Variants in PKHD1 observed in about 807,000 individuals in gnomAD.
PKHD1 encodes the protein PKHD1 ciliary IPT domain containing fibrocystin/polyductin, also known as fibrocystin.
A neutral mutation model predicts 412.0 loss-of-function variants in PKHD1; 291 were observed. That is an observed-to-expected ratio of 0.71 (90% CI 0.64 to 0.78). The LOEUF is 0.78. PKHD1 is among the 30% of genes least tolerant of loss of function. The pLI is 0.00. For missense variants in PKHD1, 4,825 were observed against 4,950.7 expected, an observed-to-expected ratio of 0.97 and a Z score of 0.76; for synonymous variants, 1,777 against 1,821.5, an observed-to-expected ratio of 0.98 and a Z score of 0.62.
chr6:52,081,374 C>T (rs957924323), intron 4 of PKHD1, among the ~76,000 whole-genome samples: 1 of 152,142 alleles, frequency 6.6e-6, no homozygotes, highest in Non-Finnish European at 1.5e-5. Context: ...ATCCTCTACT[C>T]GTAAGATATT....
Position 51,790,996 on chromosome 6 carries a change from A to G in PKHD1, c.8440+240T>C, listed in dbSNP as rs1202210440. Among the ~76,000 whole-genome samples, 3 of 152,156 alleles carry G rather than the reference A, an allele frequency of 2.0e-5. No individual in the cohort carries two copies. In the East Asian group the frequency reaches 5.8e-4, roughly 29 times the overall value. ...GGTAAAAAATCACCCTGGAATGAGC[A>G]GTAGCAGGCGGACCAGAAACAGCCT... On this transcript the variant is annotated intron_variant, in intron 53 of 66. Coordinates refer to ENST00000371117, the MANE Select transcript of PKHD1 (RefSeq NM_138694.4).
intron 2 of PKHD1, among the ~76,000 whole-genome samples, chr6:52,084,090 A>G (rs950530637): frequency 3.9e-5 from 6 of 152,222 alleles, no homozygotes; most frequent in Admixed American, 1.3e-4. Flanking sequence ...TTCCTGGACA[A>G]GTCTTGATGA....
intron 48 of PKHD1, among the ~76,000 whole-genome samples, chr6:51,867,429 G>GT (rs1464651012): frequency 6.6e-6 from 1 of 152,098 alleles, no homozygotes; most frequent in Non-Finnish European, 1.5e-5. Flanking sequence ...AACCTTGCAA[G>GT]TAATAGGAGG....
intron 43 of PKHD1, among the ~76,000 whole-genome samples, chr6:51,899,944 G>T (rs895107017): frequency 6.6e-6 from 1 of 152,004 alleles, no homozygotes; most frequent in African/African-American, 2.4e-5. Context: ...AAAATACCTA[G>T]GAATCCAACT....
intron 35 of PKHD1, among the ~76,000 whole-genome samples, chr6:52,001,644 G>T (rs1798411610): frequency 6.6e-6 from 1 of 151,970 alleles, no homozygotes; most frequent in African/African-American, 2.4e-5. Flanking sequence ...TGTTAGCCAG[G>T]ATGGTCTCGA....
intron 35 of PKHD1, among the ~76,000 whole-genome samples, chr6:51,983,234 T>TA (rs1378748020): frequency 1.3e-5 from 2 of 152,358 alleles, no homozygotes; most frequent in African/African-American, 4.8e-5. Context: ...TCTACGTACC[T>TA]ACAGAGGTGA....
At chr6:52,062,444 C>T (rs1808814571) in intron 14 of PKHD1, 75 bp downstream of exon 14, 3 of 1,448,282 alleles carry the variant, frequency 2.1e-6, no homozygotes, top group Admixed American at 3.3e-5. Context: ...TGATACCTTC[C>T]TTATCTGTCT....
rs577883485 is a variant in PKHD1 at position 51,902,279 on chromosome 6, A to C, written c.6996+1318T>G. Among the ~76,000 whole-genome samples, 67 of 152,306 alleles carry C rather than the reference A, an allele frequency of 4.4e-4. 1 individual carries two copies. In the South Asian group the frequency reaches 6.0e-3, roughly 14 times the overall value. Reference sequence around the variant, plus strand: ...CGCAGCTTCTTGTAAGTCTGAAATTATTTTAAAATTAAAAGTTTAAAATAA... The same window carrying C: ...CGCAGCTTCTTGTAAGTCTGAAATTCTTTTAAAATTAAAAGTTTAAAATAA... On this transcript the variant is annotated intron_variant, in intron 43 of 66. Coordinates refer to ENST00000371117, the MANE Select transcript of PKHD1 (RefSeq NM_138694.4).
At chr6:51,836,023 C>G (rs1769141317) in intron 51 of PKHD1, among the ~76,000 whole-genome samples, 1 of 152,000 alleles carries the variant, frequency 6.6e-6, no homozygotes. Flanking sequence ...GTTTGTTTAC[C>G]CTGATTTCCT....
rs1164284550 is a variant in PKHD1, at chr6:52,062,533, T to C, written c.1104A>G (p.Glu368=). Residue 368 remains glutamate (E), a synonymous_variant, in exon 14 of 67, where the codon GAA becomes GAG. Transcript: ENST00000371117. ...CTACAACATACCTGAAAGGTTGTCCTTCCTGTGACCAAAACCCAAATGGAG... is the reference window on the plus strand; with the variant it reads ...CTACAACATACCTGAAAGGTTGTCCCTCCTGTGACCAAAACCCAAATGGAG... The part of the protein sequence containing the change: ...ASSPFGFWSQ[E]GQPFRARLSG... 6.2e-7 allele frequency: 1 copy of C among 1,614,104 alleles called. No individual in the cohort carries two copies. The highest frequency in any genetic ancestry group is 1.7e-5 in the Admixed American group (1 of 60,010).
chr6:51,792,175 T>G (rs1452222084), intron 52 of PKHD1, among the ~76,000 whole-genome samples: 1 of 152,216 alleles, frequency 6.6e-6, no homozygotes, highest in African/African-American at 2.4e-5. Flanking sequence ...AGATTTACTA[T>G]AGAGTAATAT....
chr6:52,085,776 T>C (rs1188485048), intron 1 of PKHD1, among the ~76,000 whole-genome samples: 1 of 152,010 alleles, frequency 6.6e-6, no homozygotes, highest in African/African-American at 2.4e-5. Flanking sequence ...GCTCAGTACA[T>C]TGGAGTGGAT....
chr6:51,767,771 T>C (rs56363832), intron 55 of PKHD1, among the ~76,000 whole-genome samples: 27,911 of 151,998 alleles, frequency 0.18, 3,336 homozygotes, highest in African/African-American at 0.34. Context: ...GTGCCGCAAT[T>C]AACATATGTG....
At chr6:51,723,203 G>C (rs907901789) in intron 60 of PKHD1, among the ~76,000 whole-genome samples, 9 of 152,170 alleles carry the variant, frequency 5.9e-5, no homozygotes, top group African/African-American at 2.2e-4. Context: ...GTGTCCTTTT[G>C]CTCTTGGGAC....
chr6:51,976,423 T>G (rs1308056272), intron 35 of PKHD1, among the ~76,000 whole-genome samples: 1 of 152,184 alleles, frequency 6.6e-6, no homozygotes, highest in East Asian at 1.9e-4. Context: ...ATTCCACTTG[T>G]ATAAAGTGCC....
intron 52 of PKHD1, among the ~76,000 whole-genome samples, chr6:51,805,242 G>T (rs1406079198): frequency 1.3e-5 from 2 of 152,202 alleles, no homozygotes; most frequent in East Asian, 1.9e-4. Context: ...CATGGGTGCT[G>T]CTGGAGGCCA....
intron 11 of PKHD1, 121 bp downstream of exon 11, chr6:52,069,336 A>G (rs1273716957): frequency 2.3e-5 from 18 of 791,734 alleles, no homozygotes; most frequent in Middle Eastern, 2.3e-4. Flanking sequence ...CAGGCTGTCT[A>G]TGATTGTAGG....
chr6:51,635,117 A>G (rs1187727979), intron 64 of PKHD1, among the ~76,000 whole-genome samples: 2 of 151,986 alleles, frequency 1.3e-5, no homozygotes, highest in Non-Finnish European at 2.9e-5. Flanking sequence ...TATTGTAGAG[A>G]TGGGGTATTG....
chr6:51,688,472 C>A (rs1582092667), intron 60 of PKHD1, among the ~76,000 whole-genome samples: 1 of 150,778 alleles, frequency 6.6e-6, no homozygotes, highest in African/African-American at 2.4e-5. Context: ...AAGAAATAAC[C>A]AAGATCAGAG....
Sources: allele counts gnomAD v4.1 joint callset (sites outside exome capture counted in the v4.1 genomes callset), GRCh38; gene constraint gnomAD v4.1.1; transcripts MANE v1.5; gene names NCBI Gene and HGNC (gene_info 2026-07-23, HGNC 2026-07-21).